Variants in LIMCH1 observed in about 807,000 individuals in gnomAD.
The protein encoded by LIMCH1 is LIM and calponin homology domains-containing protein 1.
In LIMCH1, 113 loss-of-function variants were observed where a neutral mutation model predicts 176.5. The observed-to-expected ratio is 0.64, with a 90% confidence interval of 0.55 to 0.75. The LOEUF (loss-of-function observed/expected upper bound fraction) is 0.75, where lower values mean the gene tolerates loss of function less well. Among genes scored for constraint, LIMCH1 ranks in the 30% least tolerant of loss-of-function variants. The pLI is 0.00. For synonymous variants in LIMCH1, 619 were observed against 645.9 expected (o/e 0.96, Z 0.63); for missense variants, 1,674 against 1,814.9 (o/e 0.92, Z 1.41).
At chr4:41,476,142 A>G (rs2067707424) in intron 1 of LIMCH1, among the ~76,000 whole-genome samples, 1 of 152,034 alleles carries the variant, frequency 6.6e-6, no homozygotes, top group Non-Finnish European at 1.5e-5. Flanking sequence ...TGGCCCTCAC[A>G]ATTGCCTTTT....
intron 1 of LIMCH1, among the ~76,000 whole-genome samples, chr4:41,582,078 T>C (rs1484403088): frequency 6.6e-6 from 1 of 152,230 alleles, no homozygotes; most frequent in African/African-American, 2.4e-5. Flanking sequence ...ACATGTTATT[T>C]AAACTCTTCC....
chr4:41,684,011 G>A (rs1351167762), intron 26 of LIMCH1, among the ~76,000 whole-genome samples: 1 of 152,094 alleles, frequency 6.6e-6, no homozygotes, highest in East Asian at 1.9e-4. Context: ...TCCTCCATCT[G>A]TTCATTCTTT....
At chr4:41,429,139 C>T (rs976197537) in intron 1 of LIMCH1, among the ~76,000 whole-genome samples, 2 of 152,116 alleles carry the variant, frequency 1.3e-5, no homozygotes, top group Non-Finnish European at 2.9e-5. Flanking sequence ...ATTCCTCCTC[C>T]CAACTTGATA....
At chr4:41,672,660 G>T (rs894035395) in intron 22 of LIMCH1, among the ~76,000 whole-genome samples, 6 of 152,158 alleles carry the variant, frequency 3.9e-5, no homozygotes, top group African/African-American at 1.2e-4. Context: ...GACACAAGGT[G>T]CTGTGGACAT....
At chr4:41,484,554 T>C (rs891284561) in intron 1 of LIMCH1, among the ~76,000 whole-genome samples, 13 of 152,382 alleles carry the variant, frequency 8.5e-5, no homozygotes, top group African/African-American at 3.1e-4. Context: ...AGAGATGTTC[T>C]TCTTGTGAAT....
chr4:41,581,420 A>T (rs1415071578), intron 1 of LIMCH1, among the ~76,000 whole-genome samples: 3 of 152,088 alleles, frequency 2.0e-5, no homozygotes, highest in Non-Finnish European at 2.9e-5. Flanking sequence ...CTTATTACTG[A>T]TTATGCCCTT....
intron 1 of LIMCH1, among the ~76,000 whole-genome samples, chr4:41,588,328 G>A (rs1442909076): frequency 6.6e-6 from 1 of 152,184 alleles, no homozygotes; most frequent in African/African-American, 2.4e-5. Context: ...GTGAGCAGAA[G>A]GTGAAGGCAT....
chr4:41,419,123 GTTTTATTTTATTTTATTTTATTTTA>G (rs148393298), intron 1 of LIMCH1, among the ~76,000 whole-genome samples: 1 of 146,798 alleles, frequency 6.8e-6, no homozygotes, highest in African/African-American at 2.5e-5. Context: ...ACTACGTTTT[GTTTTATTTTATTTTATTTTATTTTA>G]TTTTATTTTA....
intron 1 of LIMCH1, among the ~76,000 whole-genome samples, chr4:41,444,295 AGT>A (rs1485287895): frequency 1.3e-4 from 17 of 133,630 alleles, no homozygotes; most frequent in African/African-American, 3.8e-4. Flanking sequence ...TATGTGTGTG[AGT>A]GTGTGTGTAT....
Position 41,416,714 on chromosome 4 carries a change from A to T in LIMCH1, c.96+55778A>T, listed in dbSNP as rs144969364. Among the ~76,000 whole-genome samples, 829 of 152,044 alleles carry T rather than the reference A, an allele frequency of 5.5e-3. 4 individuals are homozygous for T. The highest frequency in any genetic ancestry group is 0.02 in the Middle Eastern group (6 of 294). On this transcript the variant is annotated intron_variant, in intron 1 of 26. Coordinates refer to the LIMCH1 transcript ENST00000313860. ...CACTAGGTTATTTGTTAAATCACTG[A>T]TGCTACACACACACAATATAGTATT... is the stretch of plus-strand genomic sequence containing the variant.
At position 41,688,183 on chromosome 4, in the gene LIMCH1, C is replaced by G. The variant is rs552542560; in HGVS notation, c.4166+266C>G. Among the ~76,000 whole-genome samples, 3 of 152,328 alleles carry G rather than the reference C, an allele frequency of 2.0e-5. No homozygotes were observed. The East Asian group carries it at 5.8e-4, about 29-fold the overall frequency. On this transcript the variant is annotated intron_variant, in intron 29 of 31. Transcript: ENST00000503057. ...AATTACATTGTGTGGAACCTCCAAT[C>G]TAATAATAAAATCCACCAGACAACC...
chr4:41,584,340 A>C (rs971213819), intron 1 of LIMCH1, among the ~76,000 whole-genome samples: 2 of 152,214 alleles, frequency 1.3e-5, no homozygotes, highest in African/African-American at 4.8e-5. Context: ...ATGATGAGCC[A>C]CAACCAGAGT....
chr4:41,426,701 C>T (rs1476711439), intron 1 of LIMCH1, among the ~76,000 whole-genome samples: 3 of 152,170 alleles, frequency 2.0e-5, no homozygotes, highest in South Asian at 2.1e-4. Flanking sequence ...AGAGTTGGCA[C>T]GGAAACATTA....
intron 1 of LIMCH1, among the ~76,000 whole-genome samples, chr4:41,461,594 T>A (rs60957421): frequency 0.19 from 29,123 of 152,128 alleles, 3,084 homozygotes; most frequent in African/African-American, 0.28. Context: ...CCTTAGGACA[T>A]CTGTGACAAA....
chr4:41,497,315 A>G (rs1267207541), intron 2 of LIMCH1, among the ~76,000 whole-genome samples: 2 of 138,624 alleles, frequency 1.4e-5, no homozygotes, highest in Non-Finnish European at 3.2e-5. Flanking sequence ...GTAGGAGTCT[A>G]AAGAAAAAAA....
chr4:41,377,309 C>A (rs2054905776), intron 1 of LIMCH1, among the ~76,000 whole-genome samples: 1 of 152,112 alleles, frequency 6.6e-6, no homozygotes, highest in Admixed American at 6.5e-5. Context: ...GACAGGTGCA[C>A]CAGAACCCAG....
intron 1 of LIMCH1, among the ~76,000 whole-genome samples, chr4:41,393,868 G>A (rs1365382564): frequency 1.3e-5 from 2 of 151,966 alleles, no homozygotes; most frequent in Non-Finnish European, 2.9e-5. Flanking sequence ...TTATCCTCTG[G>A]CTTAGACTTT....
intron 23 of LIMCH1, 129 bp downstream of exon 23, chr4:41,676,591 T>G: frequency 1.4e-6 from 1 of 706,440 alleles, no homozygotes; most frequent in Non-Finnish European, 2.5e-6. Flanking sequence ...GAGTCTCAAG[T>G]CAGTTCATTT....
intron 1 of LIMCH1, chr4:41,361,031 A>C: frequency 2.6e-6 from 2 of 759,760 alleles, no homozygotes; most frequent in South Asian, 2.1e-5. Flanking sequence ...GCCTCCCCCC[A>C]ACCGCCCCCA....
Sources: gnomAD v4.1 joint callset for allele counts (sites outside exome capture counted in the v4.1 genomes callset) on GRCh38, gnomAD v4.1.1 for gene constraint, MANE v1.5 for transcripts, NCBI Gene and HGNC (gene_info 2026-07-23, HGNC 2026-07-21) for gene names.